Variants in NFIX observed in about 807,000 individuals in gnomAD.
NFIX encodes nuclear factor 1 X-type.
Under a neutral mutation model 53.3 loss-of-function variants are expected in NFIX, and 2 were observed. The ratio of observed to expected loss-of-function variants is 0.04; its 90% CI spans 0.02 to 0.12. The LOEUF (loss-of-function observed/expected upper bound fraction) is 0.12. Among genes scored for constraint, NFIX ranks in the 10% least tolerant of loss-of-function variants. NFIX has a pLI of 1.00. For synonymous variants in NFIX, 244 were observed against 289.0 expected (o/e 0.84, Z 1.58); for missense variants, 310 against 674.5 (o/e 0.46, Z 5.99).
chr19:13,004,226 C>G (rs1354188730), intron 1 of NFIX, among the ~76,000 whole-genome samples: 1 of 151,950 alleles, frequency 6.6e-6, no homozygotes, highest in Non-Finnish European at 1.5e-5. Flanking sequence ...GGTTGGAAAC[C>G]CTGCCATGCA....
chr19:13,088,928 G>C lies in NFIX; in HGVS notation c.1402+792G>C, dbSNP rs1169323939. ...AGAAAAATCATTCGAGAGGTCCCAG[G>C]TAGACCCGGCGTGAAGGACAGGAGG... is the stretch of plus-strand genomic sequence containing the variant. On this transcript the variant is annotated intron_variant, in intron 9 of 10. Transcript: ENST00000592199. The surrounding 1 kb of genome is among the most constrained non-coding windows in gnomAD (Gnocchi z 5.9). Among the ~76,000 whole-genome samples the C allele has an allele frequency of 6.7e-6, 1 of 150,222 alleles. No homozygotes were observed. Among genetic ancestry groups the C allele is most frequent in the African/African-American group, 2.4e-5 (1 of 41,034 alleles).
At position 13,027,383 on chromosome 19, in the gene NFIX, G is replaced by C. The variant is rs1482218068; in HGVS notation, c.559+1831G>C. Among the ~76,000 whole-genome samples, 1 of 152,162 alleles carries C rather than the reference G, an allele frequency of 6.6e-6. No individual in the cohort carries two copies. Among genetic ancestry groups the C allele is most frequent in the Non-Finnish European group, 1.5e-5 (1 of 68,032 alleles). ...CCCTCATTCTCTGTCTATACAGCAA[G>C]CCAGATTTGGGAGGGTGTGTGCCTG... On this transcript the variant is annotated intron_variant, in intron 2 of 10. Transcript: ENST00000592199. The surrounding 1 kb of genome is among the most constrained non-coding windows in gnomAD (Gnocchi z 4.3).
In NFIX at chr19:13,022,991, G is replaced by A. The variant is rs368539800; in HGVS notation, c.28-2030G>A. Reference sequence around the variant, plus strand: ...CTCTCCCCACCCTCCCTGCTCGCCCGGTTCCCTCCTCCCCTTGGACGCAGC... The same window carrying A: ...CTCTCCCCACCCTCCCTGCTCGCCCAGTTCCCTCCTCCCCTTGGACGCAGC... On this transcript the variant is annotated intron_variant, in intron 1 of 10. Coordinates refer to ENST00000592199, the MANE Select transcript of NFIX (RefSeq NM_001365902.3). The surrounding 1 kb of genome is among the most constrained non-coding windows in gnomAD (Gnocchi z 4.5). Among the ~76,000 whole-genome samples the A allele has an allele frequency of 5.9e-5, 9 of 151,458 alleles. No individual in the cohort carries two copies. In the East Asian group the frequency reaches 1.2e-3, roughly 20 times the overall value.
At chr19:13,077,674 G>A (rs1397841892) in intron 6 of NFIX, among the ~76,000 whole-genome samples, 1 of 152,154 alleles carries the variant, frequency 6.6e-6, no homozygotes, top group Non-Finnish European at 1.5e-5. Flanking sequence ...GTCCTCCAAG[G>A]GTGGCAGCTG....
intron 2 of NFIX, among the ~76,000 whole-genome samples, chr19:13,057,499 C>T (rs537470696): frequency 3.3e-5 from 5 of 152,352 alleles, no homozygotes; most frequent in African/African-American, 7.2e-5. Context: ...CCCACCAAGC[C>T]GGCTCCTGAT....
rs1023974843 is a variant in NFIX at position 13,052,075 on chromosome 19, A to G, written c.560-20972A>G. ...ACTCTGCTTGCAGGATTTGGGACCA[A>G]ACGCCCTCAGGCATCCAGGTGGTGC... On this transcript the variant is annotated intron_variant, in intron 2 of 10. Coordinates refer to ENST00000592199, the MANE Select transcript of NFIX (RefSeq NM_001365902.3). The surrounding 1 kb of genome is among the most constrained non-coding windows in gnomAD (Gnocchi z 5.2). 3.9e-5 allele frequency among the ~76,000 whole-genome samples: 6 copies of G among 152,026 alleles called. No homozygotes were observed. Among genetic ancestry groups the G allele is most frequent in the African/African-American group, 1.2e-4 (5 of 41,364 alleles).
chr19:12,997,672 C>T (rs1275450678), intron 1 of NFIX, among the ~76,000 whole-genome samples: 1 of 152,254 alleles, frequency 6.6e-6, no homozygotes, highest in Admixed American at 6.5e-5. Flanking sequence ...CCTTGCCCAC[C>T]AGGCTGCCAG....
intron 6 of NFIX, among the ~76,000 whole-genome samples, chr19:13,076,443 A>T (rs913200431): frequency 6.6e-6 from 1 of 152,180 alleles, no homozygotes; most frequent in Non-Finnish European, 1.5e-5. Flanking sequence ...GGAAGACAGC[A>T]TGTAACACGT....
In NFIX at chr19:13,075,544, G is replaced by A. The variant is rs1276573646; in HGVS notation, c.828G>A (p.Lys276=). ...TTTCTTTCTTCCCCAGCACCACCAA[G>A]CGCCCCAAGTCCATCGATGACAGTG... ...ITSPPSTSTT[K]RPKSIDDSEM... The change falls in exon 6 of 11, where the codon AAG becomes AAA. Residue 276 remains lysine, a synonymous_variant. Transcript: ENST00000592199. 6.2e-7 allele frequency: 1 copy of A among 1,613,672 alleles called. No homozygotes were observed. The highest frequency in any genetic ancestry group is 1.7e-5 in the Admixed American group (1 of 59,982).
chr19:13,092,138 C>CG (rs1446836264), intron 10 of NFIX, among the ~76,000 whole-genome samples: 1 of 151,966 alleles, frequency 6.6e-6, no homozygotes, highest in Non-Finnish European at 1.5e-5. Context: ...GGGGTACAGC[C>CG]GGGGGTGGTT....
In NFIX at chr19:13,043,898, G is replaced by A. The variant is rs2014805409; in HGVS notation, c.559+18346G>A. On this transcript the variant is annotated intron_variant, in intron 2 of 10. Coordinates refer to ENST00000592199, the MANE Select transcript of NFIX (RefSeq NM_001365902.3). The surrounding 1 kb of genome is among the most constrained non-coding windows in gnomAD (Gnocchi z 4.0). ...CTAGCACTTTGGGAGGCCGATGTGGGAGGATCATTTGAGCCCAGGAGTTCG... is the reference window on the plus strand; with the variant it reads ...CTAGCACTTTGGGAGGCCGATGTGGAAGGATCATTTGAGCCCAGGAGTTCG... 6.6e-6 allele frequency among the ~76,000 whole-genome samples: 1 copy of A among 152,158 alleles called. No homozygotes were observed. Among genetic ancestry groups the A allele is most frequent in the African/African-American group, 2.4e-5 (1 of 41,424 alleles).
At chr19:12,999,131 G>A (rs1453499727) in intron 1 of NFIX, among the ~76,000 whole-genome samples, 2 of 151,792 alleles carry the variant, frequency 1.3e-5, no homozygotes, top group Non-Finnish European at 2.9e-5. Context: ...GAGACATAAT[G>A]CAGTTGGCTC....
rs957216376 is a variant in NFIX, at chr19:13,014,372, A to AAAAG, written c.28-10640_28-10637dup. 1 of 152,216 alleles carries AAAAG rather than the reference A, an allele frequency of 6.6e-6. No individual in the cohort carries two copies. Among genetic ancestry groups the AAAAG allele is most frequent in the Non-Finnish European group, 1.5e-5 (1 of 68,056 alleles). 9.4% of individuals were successfully genotyped at this position (152,216 alleles called of 1,614,324 possible). A position where few individuals can be genotyped will look rare whatever the true frequency, so the allele number is the denominator to read the frequency against. Reference sequence around the variant, plus strand: ...CCTGGTTTGCGCTAGAGCCGTTTAAAAAAGAAAGAAAGGAAGAAAGGAGCC... The same window carrying AAAAG: ...CCTGGTTTGCGCTAGAGCCGTTTAAAAAAGAAAGAAAGAAAGGAAGAAAGGAGCC... On this transcript the variant is annotated intron_variant, in intron 1 of 10. Transcript: ENST00000592199. The surrounding 1 kb of genome is among the most constrained non-coding windows in gnomAD (Gnocchi z 4.4).
At chr19:13,055,631 A>AG (rs901348675) in intron 2 of NFIX, among the ~76,000 whole-genome samples, 34 of 151,400 alleles carry the variant, frequency 2.2e-4, no homozygotes, top group African/African-American at 4.1e-4. Flanking sequence ...GGGCTGGGGG[A>AG]GGGGGGGGTC....
intron 1 of NFIX, among the ~76,000 whole-genome samples, chr19:13,008,627 G>A (rs1028138377): frequency 1.3e-5 from 2 of 151,962 alleles, no homozygotes; most frequent in South Asian, 2.1e-4. Flanking sequence ...CCAGGTCTCC[G>A]CTGGCCCTGC....
chr19:13,005,530 T>C lies in NFIX; in HGVS notation c.27+9666T>C, dbSNP rs904491080. Among the ~76,000 whole-genome samples, 1 of 152,100 alleles carries C rather than the reference T, an allele frequency of 6.6e-6. No individual in the cohort carries two copies. Among genetic ancestry groups the C allele is most frequent in the African/African-American group, 2.4e-5 (1 of 41,400 alleles). On this transcript the variant is annotated intron_variant, in intron 1 of 10. Transcript: ENST00000592199. This position sits in a 1 kb window ranked among gnomAD's most constrained non-coding sequence, Gnocchi z 4.7. ...AGGGCTGTGGTAAGGATCTGAGGAG[T>C]TGGTTCACAGCACACGCTTTAAAAC... is the stretch of plus-strand genomic sequence containing the variant.
chr19:13,054,780 G>A (rs1049793785), intron 2 of NFIX, among the ~76,000 whole-genome samples: 1 of 152,104 alleles, frequency 6.6e-6, no homozygotes, highest in African/African-American at 2.4e-5. Context: ...AGGAGGGCGG[G>A]GGTAGGGGGA....
In NFIX at chr19:13,009,361, C is replaced by G. The variant is rs1282897934; in HGVS notation, c.27+13497C>G. Among the ~76,000 whole-genome samples the G allele has an allele frequency of 6.6e-6, 1 of 152,154 alleles. No homozygotes were observed. The highest frequency in any genetic ancestry group is 2.4e-5 in the African/African-American group (1 of 41,440). On this transcript the variant is annotated intron_variant, in intron 1 of 10. Transcript: ENST00000592199. The surrounding 1 kb of genome is among the most constrained non-coding windows in gnomAD (Gnocchi z 4.7). The stretch of plus-strand genomic sequence containing the variant: ...GTGACCTCCTGTGACCCTCCCAACA[C>G]GAGGCAGGTATGAGTAACCTGTTTT...
intron 2 of NFIX, among the ~76,000 whole-genome samples, chr19:13,044,705 C>T (rs934975190): frequency 6.6e-6 from 1 of 152,094 alleles, no homozygotes; most frequent in African/African-American, 2.4e-5. Context: ...CTGAGCAGTT[C>T]CTTTCTGGGG....
Sources: allele counts gnomAD v4.1 joint callset (sites outside exome capture counted in the v4.1 genomes callset), GRCh38; gene constraint gnomAD v4.1.1; non-coding constraint Gnocchi (gnomAD v3.1); transcripts MANE v1.5; gene names NCBI Gene and HGNC (gene_info 2026-07-23, HGNC 2026-07-21).